Variants in OSBPL2 observed in about 807,000 individuals in gnomAD.
OSBPL2 encodes oxysterol binding protein like 2.
In OSBPL2, 18 loss-of-function variants were observed where a neutral mutation model predicts 58.4. The observed-to-expected ratio is 0.31, with a 90% CI of 0.21 to 0.46. OSBPL2 has a LOEUF of 0.46. Among genes scored for constraint, OSBPL2 ranks in the 20% least tolerant of loss-of-function variants. The pLI, the probability that OSBPL2 is intolerant of heterozygous loss-of-function variation, is 1.00. For synonymous variants in OSBPL2, 221 were observed against 234.1 expected (o/e 0.94, Z 0.51); for missense variants, 461 against 616.5 (o/e 0.75, Z 2.67).
intron 2 of OSBPL2, among the ~76,000 whole-genome samples, chr20:62,259,587 AG>A (rs1981158303): frequency 6.6e-6 from 1 of 152,202 alleles, no homozygotes; most frequent in Non-Finnish European, 1.5e-5. Flanking sequence ...ACAAGCCCTG[AG>A]CCACAACGGG....
At position 62,278,057 on chromosome 20, in the gene OSBPL2, G is replaced by A. The variant is rs150851075; in HGVS notation, c.492-1100G>A. Among the ~76,000 whole-genome samples, 96 of 152,340 alleles carry A rather than the reference G, an allele frequency of 6.3e-4. No individual in the cohort carries two copies. The East Asian group carries it at 0.016, about 25-fold the overall frequency. On this transcript the variant is annotated intron_variant, in intron 6 of 13. Coordinates refer to ENST00000313733, the MANE Select transcript of OSBPL2 (RefSeq NM_144498.4). The stretch of plus-strand genomic sequence containing the variant: ...GTGTAAGGATTGCTTCTCCACCTGC[G>A]TCTCTGGGTACCTCTAGCCAGACAC...
chr20:62,243,914 T>A (rs1346744100), intron 1 of OSBPL2, among the ~76,000 whole-genome samples: 1 of 151,822 alleles, frequency 6.6e-6, no homozygotes, highest in African/African-American at 2.4e-5. Context: ...TTCCCTGACC[T>A]TGGTTTGAAG....
chr20:62,247,161 G>A (rs186184593), intron 1 of OSBPL2, among the ~76,000 whole-genome samples: 1 of 152,366 alleles, frequency 6.6e-6, no homozygotes, highest in Admixed American at 6.5e-5. Flanking sequence ...GCGGATGGCA[G>A]GTGCTCTTCA....
intron 4 of OSBPL2, among the ~76,000 whole-genome samples, chr20:62,266,706 A>C (rs569881604): frequency 3.3e-5 from 5 of 152,250 alleles, no homozygotes; most frequent in Non-Finnish European, 7.3e-5. Context: ...AGCAAATTCC[A>C]GACATCTTTT....
At chr20:62,272,560 C>T (rs894751333) in intron 5 of OSBPL2, among the ~76,000 whole-genome samples, 5 of 152,176 alleles carry the variant, frequency 3.3e-5, no homozygotes, top group Non-Finnish European at 7.4e-5. Context: ...TTGGGCTTCT[C>T]TTGGGTCCTG....
chr20:62,241,723 C>G (rs965927295), intron 1 of OSBPL2, among the ~76,000 whole-genome samples: 7 of 152,228 alleles, frequency 4.6e-5, no homozygotes, highest in African/African-American at 1.7e-4. Context: ...AATATAACAT[C>G]AAGTGTCTGA....
In OSBPL2 at chr20:62,281,070, C is replaced by G; in HGVS notation, c.687C>G (p.Ala229=). 1.2e-6 allele frequency: 2 copies of G among 1,613,794 alleles called. No individual in the cohort carries two copies. Among genetic ancestry groups the G allele is most frequent in the South Asian group, 2.2e-5 (2 of 91,076 alleles). Residue 229 remains alanine (A), a synonymous_variant, in exon 8 of 14, where the codon GCC becomes GCG. Transcript: ENST00000313733. Reference sequence around the variant, plus strand: ...GGTGTCTTCACAGACATAATGAAGCCTACACCTGGACCAACCCCACCTGCT... The same window carrying G: ...GGTGTCTTCACAGACATAATGAAGCGTACACCTGGACCAACCCCACCTGCT... ...ITLELLKHNE[A]YTWTNPTCCV...
rs898922056 is a variant in OSBPL2 at position 62,269,953 on chromosome 20, G to A, written c.259-2172G>A. Among the ~76,000 whole-genome samples, 3 of 152,242 alleles carry A rather than the reference G, an allele frequency of 2.0e-5. No individual in the cohort carries two copies. The South Asian group carries it at 6.2e-4, about 31-fold the overall frequency. ...CTGGGGCCTGCTCGCCCCTGCAGCAGCCTGAGCCGCAGGCTCTGTGCGTCT... is the reference window on the plus strand; with the variant it reads ...CTGGGGCCTGCTCGCCCCTGCAGCAACCTGAGCCGCAGGCTCTGTGCGTCT... On this transcript the variant is annotated intron_variant, in intron 4 of 13. Coordinates refer to ENST00000313733, the MANE Select transcript of OSBPL2 (RefSeq NM_144498.4). The surrounding 1 kb of genome is among the most constrained non-coding windows in gnomAD (Gnocchi z 4.2).
chr20:62,294,742 G>C lies in OSBPL2; in HGVS notation c.*855G>C, dbSNP rs753715767. 3 of 152,214 alleles carry C rather than the reference G, an allele frequency of 2.0e-5. No homozygotes were observed. The highest frequency in any genetic ancestry group is 4.4e-5 in the Non-Finnish European group (3 of 68,054). The allele number at this position is 152,214 out of a possible 1,614,324, so 9.4% of individuals were successfully genotyped here. A position where few individuals can be genotyped will look rare whatever the true frequency, so the allele number is the denominator to read the frequency against. On this transcript the variant is annotated 3_prime_UTR_variant, in exon 14 of 14. Coordinates refer to ENST00000313733, the MANE Select transcript of OSBPL2 (RefSeq NM_144498.4). ...GGGTTCCTTTCTTCTCACACGTCGC[G>C]TGTACCCATAGCACTCTTGTGTTTC...
intron 5 of OSBPL2, 130 bp from the exon 6 acceptor site, chr20:62,273,179 G>C: frequency 1.3e-6 from 1 of 742,576 alleles, no homozygotes; most frequent in Non-Finnish European, 2.3e-6. Flanking sequence ...ACTGCTCGGG[G>C]AAAACTGAAA....
At position 62,294,077 on chromosome 20, in the gene OSBPL2, C is replaced by G; in HGVS notation, c.*190C>G. On this transcript the variant is annotated 3_prime_UTR_variant, in exon 14 of 14. Transcript: ENST00000313733. ...TGCCAAACATTTCACTCTGCTGTGC[C>G]GTCTCTTCATAAAGCTTCACTTGGG... 1 of 732,046 alleles carries G rather than the reference C, an allele frequency of 1.4e-6. No individual in the cohort carries two copies. Among genetic ancestry groups the G allele is most frequent in the Non-Finnish European group, 2.1e-6 (1 of 470,604 alleles). The allele number at this position is 732,046 out of a possible 1,614,324, so 45.3% of individuals were successfully genotyped here. A position where few individuals can be genotyped will look rare whatever the true frequency, so the allele number is the denominator to read the frequency against.
At chr20:62,279,560 G>A (rs993080310) in intron 7 of OSBPL2, 6 of 566,370 alleles carry the variant, frequency 1.1e-5, no homozygotes, top group South Asian at 2.2e-5. Flanking sequence ...CCCCCCTTTC[G>A]GTCACATCAT....
intron 12 of OSBPL2, among the ~76,000 whole-genome samples, chr20:62,289,575 A>G (rs1286053704): frequency 1.3e-5 from 2 of 152,240 alleles, no homozygotes; most frequent in African/African-American, 4.8e-5. Flanking sequence ...TTAAAATTAC[A>G]TTACTAGAAA....
Position 62,251,407 on chromosome 20 carries a change from C to CT in OSBPL2, c.-128-4632dup, listed in dbSNP as rs1249189807. Reference sequence around the variant, plus strand: ...CAAAAAGATATTCATACTATCGTGACTTTTTTTTTTTTTTTTTTAAGACAG... The same window carrying CT: ...CAAAAAGATATTCATACTATCGTGACTTTTTTTTTTTTTTTTTTTAAGACAG... On this transcript the variant is annotated intron_variant, in intron 1 of 13. Coordinates refer to ENST00000313733, the MANE Select transcript of OSBPL2 (RefSeq NM_144498.4). 7.9e-3 allele frequency among the ~76,000 whole-genome samples: 879 copies of CT among 110,826 alleles called. 5 individuals are homozygous for CT. Among genetic ancestry groups the CT allele is most frequent in the African/African-American group, 0.014 (411 of 29,688 alleles). The allele number at this position is 110,826 out of a possible 152,430, so 72.7% of individuals were successfully genotyped here. A position where few individuals can be genotyped will look rare whatever the true frequency, so the allele number is the denominator to read the frequency against.
chr20:62,282,295 A>C (rs1982846924), intron 9 of OSBPL2, among the ~76,000 whole-genome samples: 1 of 152,220 alleles, frequency 6.6e-6, no homozygotes, highest in African/African-American at 2.4e-5. Context: ...GAGGGGCGTC[A>C]GTGTCACGTG....
At chr20:62,271,454 C>T (rs895760944) in intron 4 of OSBPL2, among the ~76,000 whole-genome samples, 1 of 152,092 alleles carries the variant, frequency 6.6e-6, no homozygotes, top group African/African-American at 2.4e-5. Context: ...GACCACTACT[C>T]TGTTTTTTTG....
At chr20:62,252,189 G>A (rs1980601599) in intron 1 of OSBPL2, among the ~76,000 whole-genome samples, 1 of 151,706 alleles carries the variant, frequency 6.6e-6, no homozygotes, top group Admixed American at 6.6e-5. Flanking sequence ...TGGCCAGTAT[G>A]TCTTTTTTTT....
chr20:62,253,050 G>T (rs1431566533), intron 1 of OSBPL2, among the ~76,000 whole-genome samples: 1 of 152,244 alleles, frequency 6.6e-6, no homozygotes. Flanking sequence ...GACAAACCTG[G>T]GCTCAGTGTT....
At chr20:62,245,981 G>C (rs923986869) in intron 1 of OSBPL2, among the ~76,000 whole-genome samples, 1 of 152,280 alleles carries the variant, frequency 6.6e-6, no homozygotes, top group African/African-American at 2.4e-5. Flanking sequence ...AAGGAGGAAT[G>C]GGGCCTGGCC....
Sources: allele counts gnomAD v4.1 joint callset (sites outside exome capture counted in the v4.1 genomes callset), GRCh38; gene constraint gnomAD v4.1.1; non-coding constraint Gnocchi (gnomAD v3.1); transcripts MANE v1.5; gene names NCBI Gene and HGNC (gene_info 2026-07-23, HGNC 2026-07-21).